SLC16A12: variants seen among roughly 807,000 people sequenced by gnomAD.
The protein encoded by SLC16A12 is solute carrier family 16 member 12, also known as monocarboxylate transporter 12.
Under a neutral mutation model 42.4 loss-of-function variants are expected in SLC16A12, and 17 were observed. The observed-to-expected ratio is 0.40, with a 90% CI of 0.27 to 0.60. The LOEUF (loss-of-function observed/expected upper bound fraction) is 0.60. Among genes scored for constraint, SLC16A12 ranks in the 20% least tolerant of loss-of-function variants. SLC16A12 has a pLI of 0.42. For synonymous variants in SLC16A12, 224 were observed against 229.4 expected (o/e 0.98, Z 0.21); for missense variants, 544 against 623.0 (o/e 0.87, Z 1.35).
intron 5 of SLC16A12, 85 bp downstream of exon 5, chr10:89,441,023 A>C: frequency 1.9e-6 from 3 of 1,543,720 alleles, no homozygotes; most frequent in Non-Finnish European, 2.7e-6. Flanking sequence ...AACAAAATGA[A>C]TATTTTATGA....
intron 4 of SLC16A12, among the ~76,000 whole-genome samples, chr10:89,442,410 T>C (rs964759207): frequency 6.6e-6 from 1 of 152,342 alleles, no homozygotes. Context: ...GTGAACCATA[T>C]TGACTGTGTG....
Position 89,526,940 on chromosome 10 carries a change from C to T in SLC16A12, c.-47+7561G>A, listed in dbSNP as rs149816782. On this transcript the variant is annotated intron_variant, in intron 2 of 7. Transcript: ENST00000371790. Reference sequence around the variant, plus strand: ...GAGCCCAAAGCTGGAAGCTGGACATCGGTCTGCCACCCATTGCCCTCATGC... The same window carrying T: ...GAGCCCAAAGCTGGAAGCTGGACATTGGTCTGCCACCCATTGCCCTCATGC... 5.7e-3 allele frequency among the ~76,000 whole-genome samples: 866 copies of T among 152,042 alleles called. 9 individuals carry two copies. Among genetic ancestry groups the T allele is most frequent in the African/African-American group, 0.02 (815 of 41,442 alleles).
At position 89,453,282 on chromosome 10, in the gene SLC16A12, T is replaced by C. The variant is rs1417604080; in HGVS notation, c.200+9097A>G. ...AGTGCAAACAACAACAAAAACCTTA[T>C]GATGTTTCTTAACATTTTAAAAATT... On this transcript the variant is annotated intron_variant, in intron 3 of 7. Transcript: ENST00000371790. 3.9e-5 allele frequency among the ~76,000 whole-genome samples: 6 copies of C among 152,218 alleles called. No individual in the cohort carries two copies. In the East Asian group the frequency reaches 9.6e-4, roughly 24 times the overall value.
upstream of SLC16A12, among the ~76,000 whole-genome samples, chr10:89,539,954 CTTTCTTCT>C (rs1843704714): frequency 7.5e-6 from 1 of 134,194 alleles, no homozygotes; most frequent in African/African-American, 2.9e-5. Flanking sequence ...CTTTCTCTTT[CTTTCTTCT>C]TTCTTTCTTT....
At chr10:89,459,743 C>T (rs910687405) in intron 3 of SLC16A12, among the ~76,000 whole-genome samples, 1 of 152,084 alleles carries the variant, frequency 6.6e-6, no homozygotes, top group African/African-American at 2.4e-5. Flanking sequence ...AGTTTGAGAC[C>T]ATCCTGGCCA....
chr10:89,483,442 G>A (rs1842697216), intron 2 of SLC16A12, among the ~76,000 whole-genome samples: 1 of 152,184 alleles, frequency 6.6e-6, no homozygotes, highest in South Asian at 2.1e-4. Flanking sequence ...CTCCAATGTG[G>A]TTTAGAAAGA....
chr10:89,528,624 T>C (rs954162289), intron 2 of SLC16A12, among the ~76,000 whole-genome samples: 1 of 152,150 alleles, frequency 6.6e-6, no homozygotes, highest in Non-Finnish European at 1.5e-5. Flanking sequence ...ACACAAAAAA[T>C]TTCCATTATA....
At chr10:89,493,970 G>A (rs1842885089) in intron 2 of SLC16A12, among the ~76,000 whole-genome samples, 1 of 140,744 alleles carries the variant, frequency 7.1e-6, no homozygotes, top group African/African-American at 2.5e-5. Context: ...GAAGGATTGT[G>A]AGCCACAATA....
intron 2 of SLC16A12, among the ~76,000 whole-genome samples, chr10:89,477,550 G>A: frequency 1.1e-5 from 1 of 88,258 alleles, no homozygotes; most frequent in Non-Finnish European, 2.1e-5. Flanking sequence ...GGCAACAAGA[G>A]CAAAACTCTG....
intron 7 of SLC16A12, among the ~76,000 whole-genome samples, chr10:89,435,439 C>T (rs1841763772): frequency 1.3e-5 from 2 of 152,180 alleles, no homozygotes; most frequent in South Asian, 4.1e-4. Flanking sequence ...ATCTTTATTT[C>T]TGCTGCAGCA....
intron 3 of SLC16A12, among the ~76,000 whole-genome samples, chr10:89,449,386 C>G (rs1211572217): frequency 6.6e-6 from 1 of 152,178 alleles, no homozygotes; most frequent in Non-Finnish European, 1.5e-5. Context: ...ACCAAAGCAG[C>G]ATGGTACTGG....
intron 3 of SLC16A12, among the ~76,000 whole-genome samples, chr10:89,452,622 G>T (rs1842112422): frequency 6.6e-6 from 1 of 152,084 alleles, no homozygotes; most frequent in South Asian, 2.1e-4. Flanking sequence ...CTATAATTTT[G>T]TTGTTGATCC....
At chr10:89,504,036 C>T (rs1047124254) in intron 2 of SLC16A12, among the ~76,000 whole-genome samples, 1 of 152,240 alleles carries the variant, frequency 6.6e-6, no homozygotes, top group Admixed American at 6.5e-5. Flanking sequence ...GAATTTTACT[C>T]TTGTGCCTCC....
intron 3 of SLC16A12, among the ~76,000 whole-genome samples, chr10:89,457,354 T>C (rs1842212419): frequency 6.6e-6 from 1 of 152,208 alleles, no homozygotes; most frequent in African/African-American, 2.4e-5. Flanking sequence ...AAGACATTTA[T>C]GCAACCAACA....
chr10:89,515,284 A>G (rs891843840), intron 2 of SLC16A12, among the ~76,000 whole-genome samples: 4 of 152,162 alleles, frequency 2.6e-5, no homozygotes, highest in Non-Finnish European at 5.9e-5. Context: ...AATCCCCCAC[A>G]TTGGGAATGT....
chr10:89,525,094 G>A (rs994787935), intron 2 of SLC16A12, among the ~76,000 whole-genome samples: 3 of 152,186 alleles, frequency 2.0e-5, no homozygotes, highest in East Asian at 3.9e-4. Flanking sequence ...GGCGCCGTGC[G>A]CCTGTAGTCC....
At chr10:89,462,732 T>TCA in intron 2 of SLC16A12, 108 bp from the exon 3 acceptor site, 7 of 1,258,430 alleles carry the variant, frequency 5.6e-6, no homozygotes, top group Non-Finnish European at 7.4e-6. Context: ...ATATGAGTAT[T>TCA]TGTAACTATG....
chr10:89,440,397 G>C (rs1841886502), intron 5 of SLC16A12, among the ~76,000 whole-genome samples: 1 of 152,120 alleles, frequency 6.6e-6, no homozygotes, highest in Non-Finnish European at 1.5e-5. Flanking sequence ...AGCTAACATA[G>C]CCAAATTTAT....
At chr10:89,455,386 TAATC>T (rs1842172858) in intron 3 of SLC16A12, among the ~76,000 whole-genome samples, 2 of 152,194 alleles carry the variant, frequency 1.3e-5, no homozygotes, top group Non-Finnish European at 2.9e-5. Flanking sequence ...TTAGATGACT[TAATC>T]AGTCATATGA....
Sources: gnomAD v4.1 joint callset for allele counts (sites outside exome capture counted in the v4.1 genomes callset) on GRCh38, gnomAD v4.1.1 for gene constraint, MANE v1.5 for transcripts, NCBI Gene and HGNC (gene_info 2026-07-23, HGNC 2026-07-21) for gene names.